Variants in SH3TC2 observed in about 807,000 individuals in gnomAD.
The protein encoded by SH3TC2 is SH3 domain and tetratricopeptide repeat-containing protein 2.
SH3TC2 carries 87 observed loss-of-function variants against 124.5 expected under a neutral mutation model. The ratio of observed to expected loss-of-function variants is 0.70; its 90% confidence interval spans 0.59 to 0.84. SH3TC2 has a LOEUF of 0.84. Among genes scored for constraint, SH3TC2 ranks in the 40% least tolerant of loss-of-function variants. The pLI is 0.00. For missense variants in SH3TC2, 1,536 were observed against 1,566.4 expected, an observed-to-expected ratio of 0.98 and a Z score of 0.33; for synonymous variants, 634 against 628.5, an observed-to-expected ratio of 1.01 and a Z score of -0.13.
intron 9 of SH3TC2, 130 bp downstream of exon 9, chr5:149,031,424 G>A: frequency 8.1e-7 from 1 of 1,227,104 alleles, no homozygotes; most frequent in South Asian, 1.2e-5. Flanking sequence ...GTCGTCAACA[G>A]AATAGTGGTC....
In SH3TC2 at chr5:149,042,739, C is replaced by T. The variant is rs1319402852; in HGVS notation, c.484G>A (p.Asp162Asn). 2 of 1,614,190 alleles carry T rather than the reference C, an allele frequency of 1.2e-6. No individual in the cohort carries two copies. Among genetic ancestry groups the T allele is most frequent in the Non-Finnish European group, 1.7e-6 (2 of 1,180,028 alleles). Reference sequence around the variant, plus strand: ...AGGTATATTGTTTCCAGGTGTTTATCATCTACAGACACTTGGATCTCTGTA... The same window carrying T: ...AGGTATATTGTTTCCAGGTGTTTATTATCTACAGACACTTGGATCTCTGTA... ...EDTEIQVSVD[D>N]KHLETIYLGL... is the part of the protein sequence containing the mutation. The change falls in exon 5 of 17, where the codon GAT becomes AAT. Residue 162 changes from aspartate (D) to asparagine (N), a missense_variant. By Grantham distance (23) the Asp-to-Asn change is conservative. Transcript: ENST00000515425.
chr5:149,026,598 C>T lies in SH3TC2; in HGVS notation c.3027G>A (p.Gln1009=). Reference sequence around the variant, plus strand: ...TGGCGGTATTTAGGTTCCGATAAAGCTGCCCCAGGGACTCCAGCAGCCTCC... The same window carrying T: ...TGGCGGTATTTAGGTTCCGATAAAGTTGCCCCAGGGACTCCAGCAGCCTCC... ...MEGRLLESLG[Q]LYRNLNTARS... Residue 1009 remains glutamine (Q), a synonymous_variant, in exon 12 of 17, where the codon CAG becomes CAA. Transcript: ENST00000515425. The T allele has an allele frequency of 6.2e-7, 1 of 1,614,192 alleles. No homozygotes were observed. The highest frequency in any genetic ancestry group is 8.5e-7 in the Non-Finnish European group (1 of 1,180,038).
intron 12 of SH3TC2, among the ~76,000 whole-genome samples, chr5:149,019,245 T>G (rs1353555899): frequency 6.6e-6 from 1 of 152,150 alleles, no homozygotes. Context: ...CACCCCCGGG[T>G]GCATAGAAAC....
In SH3TC2 at chr5:149,028,668, G is replaced by A. The variant is rs375581325; in HGVS notation, c.1177+9C>T. 3.5e-5 allele frequency: 57 copies of A among 1,614,070 alleles called. 1 individual carries two copies. The highest frequency in any genetic ancestry group is 6.7e-5 in the East Asian group (3 of 44,886). On this transcript the variant is annotated intron_variant, in intron 10 of 16. Coordinates refer to ENST00000515425, the MANE Select transcript of SH3TC2 (RefSeq NM_024577.4). Reference sequence around the variant, plus strand: ...GATGAATGTCAGGTTCAGCATGATCGCTACTCACCACTCAGATCATTTGGA... The same window carrying A: ...GATGAATGTCAGGTTCAGCATGATCACTACTCACCACTCAGATCATTTGGA...
intron 1 of SH3TC2, among the ~76,000 whole-genome samples, chr5:149,055,058 A>G (rs761747806): frequency 4.6e-5 from 7 of 152,314 alleles, no homozygotes; most frequent in African/African-American, 1.4e-4. Context: ...AAAGATATCT[A>G]TGCAAAAAAA....
In SH3TC2 at chr5:148,982,795, T is replaced by C. The variant is rs1003326928; in HGVS notation, c.*21916A>G. Among the ~76,000 whole-genome samples, 4 of 152,232 alleles carry C rather than the reference T, an allele frequency of 2.6e-5. No individual in the cohort carries two copies. Among genetic ancestry groups the C allele is most frequent in the African/African-American group, 9.6e-5 (4 of 41,456 alleles). Reference sequence around the variant, plus strand: ...GAAATGGGGGCATGCTATTCCTTGTTTAATTTTTCATTTGGGAATCATGAG... The same window carrying C: ...GAAATGGGGGCATGCTATTCCTTGTCTAATTTTTCATTTGGGAATCATGAG... On this transcript the variant is annotated 3_prime_UTR_variant, in exon 17 of 17. Transcript: ENST00000515425.
At position 149,027,504 on chromosome 5, in the gene SH3TC2, G is replaced by C. The variant is rs974346945; in HGVS notation, c.2228C>G (p.Ala743Gly). 8 of 1,614,200 alleles carry C rather than the reference G, an allele frequency of 5.0e-6. No individual in the cohort carries two copies. Among genetic ancestry groups the C allele is most frequent in the Non-Finnish European group, 5.9e-6 (7 of 1,180,040 alleles). Residue 743 changes from alanine (A) to glycine (G), a missense_variant, in exon 11 of 17, where the codon GCC becomes GGC. Transcript: ENST00000515425. ...TGCTAGTTCCTCACAGGCAGCCAGGGCCTGTCTGAGCATTGGGCAGGCCAA... is the reference window on the plus strand; with the variant it reads ...TGCTAGTTCCTCACAGGCAGCCAGGCCCTGTCTGAGCATTGGGCAGGCCAA... Reference protein sequence around the residue: ...SALACPMLRQALAACEELADR... With the variant: ...SALACPMLRQGLAACEELADR...
chr5:149,009,358 T>A (rs1486090193), intron 14 of SH3TC2, among the ~76,000 whole-genome samples: 1 of 151,580 alleles, frequency 6.6e-6, no homozygotes, highest in African/African-American at 2.4e-5. Flanking sequence ...CACACATGAG[T>A]ACACGCATAG....
At chr5:149,016,294 T>C (rs1753872212) in intron 12 of SH3TC2, among the ~76,000 whole-genome samples, 1 of 152,204 alleles carries the variant, frequency 6.6e-6, no homozygotes, top group African/African-American at 2.4e-5. Context: ...CCCAGAACCC[T>C]TACATTTACA....
chr5:149,023,625 C>G (rs955103899), intron 12 of SH3TC2, among the ~76,000 whole-genome samples: 1 of 137,642 alleles, frequency 7.3e-6, no homozygotes, highest in Admixed American at 7.5e-5. Context: ...ACTCTGTCAC[C>G]CAGGCTGGAG....
intron 4 of SH3TC2, chr5:149,043,751 T>C (rs1754411206): frequency 6.6e-6 from 1 of 152,110 alleles, no homozygotes; most frequent in African/African-American, 2.4e-5. Context: ...AGATGTGTAG[T>C]GTGGAGATCA....
Position 149,062,987 on chromosome 5 carries a change from A to G in SH3TC2, c.36T>C (p.Ser12=). Residue 12 remains serine, a synonymous_variant, in exon 1 of 17, where the codon AGT becomes AGC. Coordinates refer to ENST00000515425, the MANE Select transcript of SH3TC2 (RefSeq NM_024577.4). ...GGCFCIPRER[S]LTRGPGKETP... Reference sequence around the variant, plus strand: ...GAAACTCACCTGGGCCCCGGGTCAGACTCCGCTCCCTGGGGATGCAGAAGC... The same window carrying G: ...GAAACTCACCTGGGCCCCGGGTCAGGCTCCGCTCCCTGGGGATGCAGAAGC... 1 of 1,597,726 alleles carries G rather than the reference A, an allele frequency of 6.3e-7. No homozygotes were observed. Among genetic ancestry groups the G allele is most frequent in the Non-Finnish European group, 8.5e-7 (1 of 1,171,834 alleles).
intron 6 of SH3TC2, 141 bp downstream of exon 6, chr5:149,041,275 A>T: frequency 1.2e-6 from 1 of 833,730 alleles, no homozygotes; most frequent in South Asian, 1.6e-5. Context: ...GAAAAGAAAA[A>T]GACAGAAAGA....
At chr5:149,062,446 A>T (rs1205436196) in intron 1 of SH3TC2, 1 of 499,068 alleles carries the variant, frequency 2.0e-6, no homozygotes, top group East Asian at 6.2e-5. Flanking sequence ...TCTTAGAGCA[A>T]CAACTCTCCA....
At chr5:149,006,827 A>G in intron 16 of SH3TC2, 54 bp downstream of exon 16, 1 of 1,550,738 alleles carries the variant, frequency 6.4e-7, no homozygotes, top group Non-Finnish European at 8.9e-7. Context: ...TTGAGTCAGG[A>G]AGGAGAATGG....
rs77806490 is a variant in SH3TC2 at position 149,058,220 on chromosome 5, A to G, written c.52+4751T>C. 2.5e-4 allele frequency among the ~76,000 whole-genome samples: 38 copies of G among 152,342 alleles called. No homozygotes were observed. The East Asian group carries it at 5.2e-3, about 21-fold the overall frequency. ...TTATTATTATTGATCAGAAAAAGTT[A>G]CTAACCCTCAATTCAGAAAAACACT... On this transcript the variant is annotated intron_variant, in intron 1 of 16. Transcript: ENST00000515425.
chr5:149,053,741 G>A (rs1754595260), intron 1 of SH3TC2, among the ~76,000 whole-genome samples: 1 of 152,084 alleles, frequency 6.6e-6, no homozygotes, highest in African/African-American at 2.4e-5. Context: ...ATAAATGAAG[G>A]ACTGATCTAA....
In SH3TC2 at chr5:148,997,403, T is replaced by C. The variant is rs1179364580; in HGVS notation, c.*7308A>G. 6.6e-6 allele frequency among the ~76,000 whole-genome samples: 1 copy of C among 152,274 alleles called. No individual in the cohort carries two copies. The highest frequency in any genetic ancestry group is 1.5e-5 in the Non-Finnish European group (1 of 68,052). ...CAAAGCTTTCTGTTCCTCCTTCTATTTTCCATTTGGGAAATGCAGTCTCTC... is the reference window on the plus strand; with the variant it reads ...CAAAGCTTTCTGTTCCTCCTTCTATCTTCCATTTGGGAAATGCAGTCTCTC... On this transcript the variant is annotated 3_prime_UTR_variant, in exon 17 of 17. Transcript: ENST00000515425.
At chr5:149,062,513 A>G (rs1754770791) in intron 1 of SH3TC2, 8 of 441,772 alleles carry the variant, frequency 1.8e-5, no homozygotes, top group Admixed American at 6.0e-5. Context: ...TCACTCTGTA[A>G]TAGGTGGAGG....
Sources: gnomAD v4.1 joint callset for allele counts (sites outside exome capture counted in the v4.1 genomes callset) on GRCh38, gnomAD v4.1.1 for gene constraint, MANE v1.5 for transcripts, NCBI Gene and HGNC (gene_info 2026-07-23, HGNC 2026-07-21) for gene names.